The following SUPT3H variants were observed in gnomAD, a reference collection of about 807,000 sequenced individuals.
SUPT3H encodes SPT3 homolog, SAGA and STAGA complex component.
Under a neutral mutation model 44.3 loss-of-function variants are expected in SUPT3H, and 44 were observed. The ratio of observed to expected loss-of-function variants is 0.99; its 90% CI spans 0.78 to 1.28. The LOEUF (loss-of-function observed/expected upper bound fraction) is 1.28, where lower values mean the gene tolerates loss of function less well. Ranked by LOEUF, SUPT3H falls within the 50% of genes most tolerant of loss-of-function variation. The probability of loss-of-function intolerance (pLI) is 0.00; values close to 1 mark genes in which losing one functional copy is unlikely to be tolerated. For missense variants in SUPT3H, 380 were observed against 387.1 expected (o/e 0.98, Z 0.15); for synonymous variants, 124 against 125.6 (o/e 0.99, Z 0.09).
At chr6:44,812,922 C>T (rs1766634069) in intron 11 of SUPT3H, among the ~76,000 whole-genome samples, 2 of 152,050 alleles carry the variant, frequency 1.3e-5, no homozygotes, top group African/African-American at 4.8e-5. Context: ...ATGTCAACTC[C>T]AAAGCTGTAC....
intron 2 of SUPT3H, among the ~76,000 whole-genome samples, chr6:45,106,785 C>T (rs1799347931): frequency 6.6e-6 from 1 of 152,190 alleles, no homozygotes; most frequent in South Asian, 2.1e-4. Context: ...ATCCACCCAC[C>T]TTGGCCTCCC....
At chr6:44,831,982 C>T (rs948025573) in intron 10 of SUPT3H, among the ~76,000 whole-genome samples, 1 of 152,036 alleles carries the variant, frequency 6.6e-6, no homozygotes, top group Non-Finnish European at 1.5e-5. Context: ...TGATGTTCTT[C>T]CCATTTGAAT....
intron 2 of SUPT3H, among the ~76,000 whole-genome samples, chr6:45,196,403 G>A (rs1230993966): frequency 6.6e-6 from 1 of 151,970 alleles, no homozygotes; most frequent in African/African-American, 2.4e-5. Context: ...TGCAGTTCAT[G>A]TTGAAAATTT....
At chr6:45,081,522 C>A (rs1012695245) in intron 3 of SUPT3H, among the ~76,000 whole-genome samples, 1 of 152,052 alleles carries the variant, frequency 6.6e-6, no homozygotes, top group Non-Finnish European at 1.5e-5. Context: ...AGAGAAGAGA[C>A]TTTCTTGTAT....
intron 3 of SUPT3H, among the ~76,000 whole-genome samples, chr6:45,039,131 C>T (rs1788126568): frequency 6.6e-6 from 1 of 152,082 alleles, no homozygotes; most frequent in South Asian, 2.1e-4. Context: ...AACAAATCTG[C>T]TGAACATAAT....
At chr6:44,956,465 T>G (rs1775194715) in intron 7 of SUPT3H, among the ~76,000 whole-genome samples, 2 of 96,456 alleles carry the variant, frequency 2.1e-5, no homozygotes. Context: ...AGAGCGAAAC[T>G]GTCTCAAAAA....
chr6:45,158,508 C>G (rs72870914), intron 2 of SUPT3H, among the ~76,000 whole-genome samples: 2,210 of 151,698 alleles, frequency 0.015, 24 homozygotes, highest in South Asian at 0.029. Context: ...GTTCTAAGTT[C>G]TGGGTTGACT....
chr6:45,186,265 G>A (rs1814195138), intron 2 of SUPT3H, among the ~76,000 whole-genome samples: 1 of 151,776 alleles, frequency 6.6e-6, no homozygotes, highest in Admixed American at 6.6e-5. Flanking sequence ...AAAAATCACT[G>A]TCATCCCAAG....
At chr6:45,099,348 T>C (rs1284990) in intron 3 of SUPT3H, 149,879 of 151,738 alleles carry the variant, frequency 0.99, 74,060 homozygotes, top group East Asian at 1. Flanking sequence ...AATGTGTTTT[T>C]CTTAAAAAAA....
intron 3 of SUPT3H, among the ~76,000 whole-genome samples, chr6:45,050,387 T>C (rs2153535641): frequency 6.6e-6 from 1 of 151,872 alleles, no homozygotes; most frequent in Admixed American, 6.6e-5. Context: ...CCCAAGAATA[T>C]TTGCATAACA....
At chr6:45,274,753 G>A (rs998264000) in intron 2 of SUPT3H, among the ~76,000 whole-genome samples, 23 of 152,126 alleles carry the variant, frequency 1.5e-4, no homozygotes, top group African/African-American at 5.5e-4. Flanking sequence ...GTGTGGTGTT[G>A]TATGCCTGTA....
intron 2 of SUPT3H, among the ~76,000 whole-genome samples, chr6:45,303,112 A>G (rs1782414862): frequency 6.6e-6 from 1 of 152,196 alleles, no homozygotes. Context: ...TTATACAAAA[A>G]TCAACTCAAG....
At chr6:44,883,997 C>T (rs1345393718) in intron 10 of SUPT3H, among the ~76,000 whole-genome samples, 1 of 152,060 alleles carries the variant, frequency 6.6e-6, no homozygotes, top group African/African-American at 2.4e-5. Context: ...ACAGCAAAAG[C>T]CAAAATTGAC....
intron 10 of SUPT3H, among the ~76,000 whole-genome samples, chr6:44,872,552 A>T (rs1335276709): frequency 1.3e-5 from 2 of 152,174 alleles, no homozygotes; most frequent in African/African-American, 2.4e-5. Flanking sequence ...TCATGACAAA[A>T]TGTAAAGACC....
intron 2 of SUPT3H, among the ~76,000 whole-genome samples, chr6:45,112,399 C>T (rs778019125): frequency 1.1e-3 from 162 of 151,988 alleles, no homozygotes; most frequent in Non-Finnish European, 1.9e-3. Flanking sequence ...GTCATTGTTC[C>T]TTAAATTTAA....
downstream of SUPT3H, among the ~76,000 whole-genome samples, chr6:44,823,983 C>T (rs1394953783): frequency 6.6e-6 from 1 of 152,028 alleles, no homozygotes; most frequent in Non-Finnish European, 1.5e-5. Context: ...AAAAACAAAA[C>T]CAAAAAACTG....
In SUPT3H at chr6:45,062,366, C is replaced by A. The variant is rs150059438; in HGVS notation, c.187-41734G>T. On this transcript the variant is annotated intron_variant, in intron 3 of 10. Coordinates refer to ENST00000371459, the MANE Select transcript of SUPT3H (RefSeq NM_003599.4). ...TTATAAATATCATAAAATTATAATT[C>A]TGAGACACTAACAAATATTACAGCC... 2.1e-3 allele frequency among the ~76,000 whole-genome samples: 315 copies of A among 152,234 alleles called. 2 individuals are homozygous for A. Among genetic ancestry groups the A allele is most frequent in the Non-Finnish European group, 3.6e-3 (242 of 68,018 alleles).
intron 3 of SUPT3H, among the ~76,000 whole-genome samples, chr6:45,025,606 G>T (rs58552158): frequency 6.6e-6 from 1 of 152,236 alleles, no homozygotes; most frequent in South Asian, 2.1e-4. Context: ...AGAATTGGCC[G>T]GGCGCGGTGG....
At chr6:45,024,064 C>T (rs1785572870) in intron 3 of SUPT3H, among the ~76,000 whole-genome samples, 1 of 152,186 alleles carries the variant, frequency 6.6e-6, no homozygotes, top group African/African-American at 2.4e-5. Context: ...TCAGTGTTAA[C>T]AGCAGTTCAG....
Sources: allele counts gnomAD v4.1 joint callset (sites outside exome capture counted in the v4.1 genomes callset), GRCh38; gene constraint gnomAD v4.1.1; transcripts MANE v1.5; gene names NCBI Gene and HGNC (gene_info 2026-07-23, HGNC 2026-07-21).